The following DCPS variants were observed in gnomAD, a reference collection of about 807,000 sequenced individuals.
The protein encoded by DCPS is m7GpppX diphosphatase.
DCPS carries 27 observed loss-of-function variants against 34.7 expected under a neutral mutation model. That is an observed-to-expected ratio of 0.78 (90% CI 0.57 to 1.07). The LOEUF (loss-of-function observed/expected upper bound fraction) is 1.07. Among genes scored for constraint, DCPS ranks in the 50% least tolerant of loss-of-function variants. DCPS has a pLI of 0.00. For missense variants in DCPS, 464 were observed against 436.9 expected, an observed-to-expected ratio of 1.06 and a Z score of -0.55; for synonymous variants, 185 against 185.7, an observed-to-expected ratio of 1.00 and a Z score of 0.03.
chr11:126,340,087 CAGAGA>C (rs1951865045), intron 4 of DCPS, among the ~76,000 whole-genome samples: 1 of 152,210 alleles, frequency 6.6e-6, no homozygotes, highest in Non-Finnish European at 1.5e-5. Flanking sequence ...GAGCCCACGG[CAGAGA>C]AGAGAAATCT....
At position 126,332,215 on chromosome 11, in the gene DCPS, C is replaced by T. The variant is rs140457982; in HGVS notation, c.522+665C>T. ...AAAGAAGGCAGGACCCCATTGGCCC[C>T]GGGGATTTGGTGCAGGGACTCCATT... On this transcript the variant is annotated intron_variant, in intron 3 of 5. Transcript: ENST00000263579. The surrounding 1 kb of genome is among the most constrained non-coding windows in gnomAD (Gnocchi z 5.4). Among the ~76,000 whole-genome samples, 288 of 152,290 alleles carry T rather than the reference C, an allele frequency of 1.9e-3. 2 individuals are homozygous for T. The highest frequency in any genetic ancestry group is 6.5e-3 in the African/African-American group (271 of 41,560).
chr11:126,340,898 A>G (rs922501708), intron 4 of DCPS: 22 of 150,566 alleles, frequency 1.5e-4, no homozygotes, highest in African/African-American at 5.4e-4. Context: ...CTTTTTTTTT[A>G]TTTGTTTATT....
chr11:126,343,907 C>T (rs1015437998), intron 5 of DCPS, among the ~76,000 whole-genome samples: 8 of 152,264 alleles, frequency 5.3e-5, no homozygotes, highest in South Asian at 2.1e-4. Flanking sequence ...ATGAAATTAT[C>T]GGGGCTCTAA....
At position 126,312,083 on chromosome 11, in the gene DCPS, A is replaced by G. The variant is rs977246528; in HGVS notation, c.376+5339A>G. ...GTAGCTGGGATTACAGGCATCCTCC[A>G]CCATGCCTGGCTAATTTTTGTGTTT... On this transcript the variant is annotated intron_variant, in intron 2 of 5. Coordinates refer to ENST00000263579, the MANE Select transcript of DCPS (RefSeq NM_014026.6). This position sits in a 1 kb window ranked among gnomAD's most constrained non-coding sequence, Gnocchi z 5.1. Among the ~76,000 whole-genome samples, 13 of 151,932 alleles carry G rather than the reference A, an allele frequency of 8.6e-5. No homozygotes were observed. The South Asian group carries it at 2.1e-3, about 24-fold the overall frequency.
chr11:126,310,571 G>A (rs1328540178), intron 2 of DCPS, among the ~76,000 whole-genome samples: 1 of 152,200 alleles, frequency 6.6e-6, no homozygotes, highest in Non-Finnish European at 1.5e-5. Flanking sequence ...GAGCCATGTC[G>A]CCCATATTAG....
chr11:126,317,527 G>T (rs1951671852), intron 2 of DCPS, among the ~76,000 whole-genome samples: 1 of 151,742 alleles, frequency 6.6e-6, no homozygotes, highest in Non-Finnish European at 1.5e-5. Context: ...GTTTATCTTG[G>T]TCATCCTTAT....
intron 2 of DCPS, among the ~76,000 whole-genome samples, chr11:126,311,279 C>T (rs141177149): frequency 3.9e-5 from 6 of 152,354 alleles, no homozygotes; most frequent in Admixed American, 6.5e-5. Flanking sequence ...ACAAGCCTCA[C>T]GTCAGGCAGA....
rs528444571 is a variant in DCPS at position 126,312,056 on chromosome 11, G to A, written c.376+5312G>A. ...AGTGATTCTCCAGCCTCAGCCTCCC[G>A]AGTAGCTGGGATTACAGGCATCCTC... On this transcript the variant is annotated intron_variant, in intron 2 of 5. Transcript: ENST00000263579. This position sits in a 1 kb window ranked among gnomAD's most constrained non-coding sequence, Gnocchi z 5.1. 9.1e-4 allele frequency among the ~76,000 whole-genome samples: 139 copies of A among 152,120 alleles called. No individual in the cohort carries two copies. Among genetic ancestry groups the A allele is most frequent in the Middle Eastern group, 3.4e-3 (1 of 294 alleles).
At position 126,331,626 on chromosome 11, in the gene DCPS, T is replaced by G. The variant is rs1951794708; in HGVS notation, c.522+76T>G. The G allele has an allele frequency of 6.4e-7, 1 of 1,561,114 alleles. No individual in the cohort carries two copies. The highest frequency in any genetic ancestry group is 8.7e-7 in the Non-Finnish European group (1 of 1,152,360). ...CTCCTCTTACGAGTGTCTATTGGGGTCATATTAGGGGCCAGGCGCTGTGCT... is the reference window on the plus strand; with the variant it reads ...CTCCTCTTACGAGTGTCTATTGGGGGCATATTAGGGGCCAGGCGCTGTGCT... On this transcript the variant is annotated intron_variant, in intron 3 of 5. Coordinates refer to ENST00000263579, the MANE Select transcript of DCPS (RefSeq NM_014026.6). The surrounding 1 kb of genome is among the most constrained non-coding windows in gnomAD (Gnocchi z 7.2).
At position 126,347,575 on chromosome 11, in the gene DCPS, A is replaced by T. The variant is rs536196827; in HGVS notation, c.*1962A>T. Among the ~76,000 whole-genome samples the T allele has an allele frequency of 6.6e-6, 1 of 152,222 alleles. No homozygotes were observed. On this transcript the variant is annotated 3_prime_UTR_variant, in exon 6 of 6. Transcript: ENST00000263579. This position sits in a 1 kb window ranked among gnomAD's most constrained non-coding sequence, Gnocchi z 4.2. ...TTCAGGCAACATGGAGTTGCAGCCA[A>T]GGAACTTTGAGGTAGTGACCAATGC...
In DCPS at chr11:126,345,878, T is replaced by G; in HGVS notation, c.*265T>G. The G allele has an allele frequency of 1.9e-6, 1 of 534,152 alleles. No homozygotes were observed. 33.1% of individuals were successfully genotyped at this position (534,152 alleles called of 1,614,324 possible). A position where few individuals can be genotyped will look rare whatever the true frequency, so the allele number is the denominator to read the frequency against. On this transcript the variant is annotated 3_prime_UTR_variant, in exon 6 of 6. Coordinates refer to ENST00000263579, the MANE Select transcript of DCPS (RefSeq NM_014026.6). The surrounding 1 kb of genome is among the most constrained non-coding windows in gnomAD (Gnocchi z 7.4). ...GTGGTTTCAACTGACAGGTGGGAGCTGCCCTGGAAGGGTGCCGAGGGCCTT... is the reference window on the plus strand; with the variant it reads ...GTGGTTTCAACTGACAGGTGGGAGCGGCCCTGGAAGGGTGCCGAGGGCCTT...
chr11:126,337,421 CCT>C lies in DCPS; in HGVS notation c.523-864_523-863del, dbSNP rs1338891820. ...GGTTTGAGGCCTGTGAGCTCAGGGG[CCT>C]TCTCAGCCCAACCTCCTGCAGCCTC... is the stretch of plus-strand genomic sequence containing the variant. On this transcript the variant is annotated intron_variant, in intron 3 of 5. Coordinates refer to ENST00000263579, the MANE Select transcript of DCPS (RefSeq NM_014026.6). The surrounding 1 kb of genome is among the most constrained non-coding windows in gnomAD (Gnocchi z 5.3). 2.6e-5 allele frequency: 4 copies of C among 152,384 alleles called. No homozygotes were observed. 9.4% of individuals were successfully genotyped at this position (152,384 alleles called of 1,614,324 possible). A position where few individuals can be genotyped will look rare whatever the true frequency, so the allele number is the denominator to read the frequency against.
rs774829943 is a variant in DCPS at position 126,331,483 on chromosome 11, G to A, written c.455G>A (p.Arg152Gln). ...CTGCGCCAGGACCTCCGCCTGATCC[G>A]AGAGACGGGAGATGACTACAGGAAT... Reference protein sequence around the residue: ...KYLRQDLRLIRETGDDYRNIT... With the variant: ...KYLRQDLRLIQETGDDYRNIT... Residue 152 changes from arginine (R) to glutamine (Q), a missense_variant, in exon 3 of 6, where the codon CGA becomes CAA. By Grantham distance (43) the Arg-to-Gln change is conservative. Coordinates refer to ENST00000263579, the MANE Select transcript of DCPS (RefSeq NM_014026.6). This position sits in a 1 kb window ranked among gnomAD's most constrained non-coding sequence, Gnocchi z 7.2. 2.7e-5 allele frequency: 43 copies of A among 1,614,010 alleles called. No homozygotes were observed. Among genetic ancestry groups the A allele is most frequent in the Non-Finnish European group, 3.2e-5 (38 of 1,180,030 alleles).
At position 126,331,574 on chromosome 11, in the gene DCPS, G is replaced by A. The variant is rs943127599; in HGVS notation, c.522+24G>A. The A allele has an allele frequency of 5.6e-6, 9 of 1,611,690 alleles. No individual in the cohort carries two copies. The highest frequency in any genetic ancestry group is 2.2e-5 in the East Asian group (1 of 44,856). The stretch of plus-strand genomic sequence containing the variant: ...AGGTGACTGGCTGCATGTCTCAGAC[G>A]CAGAGCACTGCTCCCGTGGCTGGTG... On this transcript the variant is annotated intron_variant, in intron 3 of 5. Coordinates refer to ENST00000263579, the MANE Select transcript of DCPS (RefSeq NM_014026.6). The surrounding 1 kb of genome is among the most constrained non-coding windows in gnomAD (Gnocchi z 7.2).
intron 2 of DCPS, among the ~76,000 whole-genome samples, chr11:126,330,886 G>A (rs1057254043): frequency 1.7e-4 from 26 of 151,302 alleles, no homozygotes; most frequent in Admixed American, 5.3e-4. Context: ...ACAGGCATGC[G>A]CCACCACGCC....
rs1164980683 is a variant in DCPS, at chr11:126,347,324, A to C, written c.*1711A>C. 6.6e-6 allele frequency among the ~76,000 whole-genome samples: 1 copy of C among 150,950 alleles called. No individual in the cohort carries two copies. Among genetic ancestry groups the C allele is most frequent in the Non-Finnish European group, 1.5e-5 (1 of 67,912 alleles). On this transcript the variant is annotated 3_prime_UTR_variant, in exon 6 of 6. Coordinates refer to ENST00000263579, the MANE Select transcript of DCPS (RefSeq NM_014026.6). The surrounding 1 kb of genome is among the most constrained non-coding windows in gnomAD (Gnocchi z 4.2). The stretch of plus-strand genomic sequence containing the variant: ...CTGCAACCTCTGCCTCCTGGGTTCA[A>C]GTGATTCTCCTGCCTCAGCCTCCTG...
chr11:126,309,566 T>C lies in DCPS; in HGVS notation c.376+2822T>C, dbSNP rs571255314. On this transcript the variant is annotated intron_variant, in intron 2 of 5. Coordinates refer to ENST00000263579, the MANE Select transcript of DCPS (RefSeq NM_014026.6). ...TTCAATACAGACGCAATGTCCTTCT[T>C]TTTTTAAGTATTTTTATTCTTCATT... is the stretch of plus-strand genomic sequence containing the variant. 3.5e-3 allele frequency among the ~76,000 whole-genome samples: 539 copies of C among 152,346 alleles called. 2 individuals are homozygous for C. The highest frequency in any genetic ancestry group is 0.011 in the African/African-American group (472 of 41,576).
chr11:126,341,101 C>T (rs1951872138), intron 4 of DCPS: 1 of 152,186 alleles, frequency 6.6e-6, no homozygotes, highest in South Asian at 2.1e-4. Flanking sequence ...TATGGATACA[C>T]ATGCATTTTC....
rs893762189 is a variant in DCPS, at chr11:126,315,434, C to T, written c.376+8690C>T. 6.6e-6 allele frequency among the ~76,000 whole-genome samples: 1 copy of T among 151,704 alleles called. No individual in the cohort carries two copies. The highest frequency in any genetic ancestry group is 6.6e-5 in the Admixed American group (1 of 15,240). On this transcript the variant is annotated intron_variant, in intron 2 of 5. Transcript: ENST00000263579. This position sits in a 1 kb window ranked among gnomAD's most constrained non-coding sequence, Gnocchi z 6.1. ...AATTAGATGGGTGTGGTGGTATGTG[C>T]CTGTAGTTCCAGCTACTCAGGAGGC... is the stretch of plus-strand genomic sequence containing the variant.
Sources: allele counts gnomAD v4.1 joint callset (sites outside exome capture counted in the v4.1 genomes callset), GRCh38; gene constraint gnomAD v4.1.1; non-coding constraint Gnocchi (gnomAD v3.1); transcripts MANE v1.5; gene names NCBI Gene and HGNC (gene_info 2026-07-23, HGNC 2026-07-21).